The following PCDH15 variants were observed in gnomAD, a reference collection of about 807,000 sequenced individuals.
The protein encoded by PCDH15 is protocadherin related 15.
In PCDH15, 129 loss-of-function variants were observed where a neutral mutation model predicts 178.5. The ratio of observed to expected loss-of-function variants is 0.72; its 90% CI spans 0.63 to 0.84. The LOEUF (loss-of-function observed/expected upper bound fraction) is 0.84. Among genes scored for constraint, PCDH15 ranks in the 40% least tolerant of loss-of-function variants. The probability of loss-of-function intolerance (pLI) is 0.00; values close to 1 mark genes in which losing one functional copy is unlikely to be tolerated. For missense variants in PCDH15, 2,230 were observed against 2,099.9 expected (o/e 1.06, Z -1.21); for synonymous variants, 800 against 732.0 (o/e 1.09, Z -1.50).
chr10:53,811,670 T>A, intron 35 of PCDH15, 51 bp from the exon 36 acceptor site: 4 of 1,230,348 alleles, frequency 3.3e-6, no homozygotes, highest in Non-Finnish European at 4.5e-6. Flanking sequence ...TTATCACGTT[T>A]CAGGTCAAAG....
chr10:55,047,057 T>A (rs184047912), intron 2 of PCDH15, among the ~76,000 whole-genome samples: 1 of 151,858 alleles, frequency 6.6e-6, no homozygotes, highest in African/African-American at 2.4e-5. Flanking sequence ...CATGCTTCAG[T>A]TGAATATCTA....
intron 23 of PCDH15, among the ~76,000 whole-genome samples, chr10:53,950,321 A>C (rs1366026747): frequency 6.6e-6 from 1 of 152,008 alleles, no homozygotes; most frequent in Non-Finnish European, 1.5e-5. Context: ...ATAAATTTTG[A>C]ATTTAGGTTG....
intron 2 of PCDH15, among the ~76,000 whole-genome samples, chr10:55,451,690 C>T (rs1332140921): frequency 2.6e-5 from 4 of 152,074 alleles, no homozygotes; most frequent in Non-Finnish European, 5.9e-5. Flanking sequence ...ATATACACAG[C>T]TTGGTTCAGG....
At chr10:53,813,865 T>C (rs765771350) in intron 35 of PCDH15, among the ~76,000 whole-genome samples, 3 of 152,168 alleles carry the variant, frequency 2.0e-5, no homozygotes, top group Non-Finnish European at 4.4e-5. Flanking sequence ...TATCTAGGTG[T>C]TGACATAGAA....
intron 1 of PCDH15, among the ~76,000 whole-genome samples, chr10:54,756,295 C>T (rs958820957): frequency 5.3e-5 from 8 of 151,718 alleles, no homozygotes; most frequent in Non-Finnish European, 8.8e-5. Flanking sequence ...TAGTAAATAC[C>T]ATGAGTGCAA....
chr10:55,100,634 G>GT (rs935474600), intron 2 of PCDH15, among the ~76,000 whole-genome samples: 11 of 152,076 alleles, frequency 7.2e-5, no homozygotes, highest in African/African-American at 2.7e-4. Context: ...AGAGGGAGAG[G>GT]TGTTAGGCTC....
chr10:55,188,380 T>A (rs866492321), intron 1 of PCDH15, among the ~76,000 whole-genome samples: 5 of 151,926 alleles, frequency 3.3e-5, no homozygotes, highest in Admixed American at 1.3e-4. Context: ...ATCATTATTT[T>A]ATATATTTCC....
chr10:54,332,365 A>ATT (rs1423580452), intron 6 of PCDH15, among the ~76,000 whole-genome samples: 4 of 110,810 alleles, frequency 3.6e-5, no homozygotes, highest in African/African-American at 1.4e-4. Flanking sequence ...TATAATCTAT[A>ATT]TTATATATAT....
At chr10:54,539,596 T>C (rs1242185993) in intron 2 of PCDH15, among the ~76,000 whole-genome samples, 1 of 152,084 alleles carries the variant, frequency 6.6e-6, no homozygotes, top group Admixed American at 6.5e-5. Context: ...CCGCAGAAAT[T>C]CTGGAATTAA....
chr10:55,456,741 T>C, intron 2 of PCDH15, among the ~76,000 whole-genome samples: 1 of 152,046 alleles, frequency 6.6e-6, no homozygotes, highest in South Asian at 2.1e-4. Context: ...GAGTCTAAAT[T>C]GACAGCCTTG....
At chr10:53,966,252 T>C (rs565286444) in intron 21 of PCDH15, among the ~76,000 whole-genome samples, 1 of 152,280 alleles carries the variant, frequency 6.6e-6, no homozygotes, top group South Asian at 2.1e-4. Context: ...AAGAAACATT[T>C]TGATTCTTTT....
chr10:54,735,256 A>G (rs1943949310), intron 1 of PCDH15, among the ~76,000 whole-genome samples: 1 of 152,000 alleles, frequency 6.6e-6, no homozygotes, highest in South Asian at 2.1e-4. Flanking sequence ...CTACTATTTT[A>G]TTATTTGAGT....
intron 3 of PCDH15, among the ~76,000 whole-genome samples, chr10:54,480,487 GAA>G (rs1373441234): frequency 6.6e-6 from 1 of 151,778 alleles, no homozygotes; most frequent in Admixed American, 6.6e-5. Flanking sequence ...CAAAGACTCT[GAA>G]AAAAAGTGTT....
chr10:55,594,577 C>A (rs1054410911), intron 2 of PCDH15, among the ~76,000 whole-genome samples: 1 of 151,974 alleles, frequency 6.6e-6, no homozygotes, highest in African/African-American at 2.4e-5. Flanking sequence ...TGATTTTAAT[C>A]AAACACATTT....
intron 1 of PCDH15, among the ~76,000 whole-genome samples, chr10:55,211,059 T>C (rs909507548): frequency 3.3e-5 from 5 of 152,078 alleles, no homozygotes; most frequent in African/African-American, 1.2e-4. Context: ...CAGGGCAGCT[T>C]GAATGGAGGG....
intron 2 of PCDH15, among the ~76,000 whole-genome samples, chr10:54,940,240 A>G (rs1156509005): frequency 6.6e-6 from 1 of 151,992 alleles, no homozygotes; most frequent in Non-Finnish European, 1.5e-5. Context: ...TTGTGTTTCC[A>G]TTTTATCTCA....
chr10:53,945,307 A>T (rs2134119625), intron 23 of PCDH15, among the ~76,000 whole-genome samples: 1 of 152,260 alleles, frequency 6.6e-6, no homozygotes, highest in Admixed American at 6.5e-5. Context: ...TTAATTGGCA[A>T]ATAGAAATTT....
At chr10:55,412,879 TCACA>T (rs71014485) in intron 2 of PCDH15, among the ~76,000 whole-genome samples, 49,195 of 134,472 alleles carry the variant, frequency 0.37, 8,868 homozygotes, top group Middle Eastern at 0.44. Flanking sequence ...TCAACAATAA[TCACA>T]CACACACACA....
chr10:55,110,086 T>C, intron 2 of PCDH15, among the ~76,000 whole-genome samples: 1 of 151,810 alleles, frequency 6.6e-6, no homozygotes, highest in African/African-American at 2.4e-5. Context: ...TTTATTAATA[T>C]TCTAAATAAC....
Sources: gnomAD v4.1 joint callset for allele counts (sites outside exome capture counted in the v4.1 genomes callset) on GRCh38, gnomAD v4.1.1 for gene constraint, MANE v1.5 for transcripts, NCBI Gene and HGNC (gene_info 2026-07-23, HGNC 2026-07-21) for gene names.